Variants in TLR7 observed in about 807,000 individuals in gnomAD.
TLR7 encodes the protein toll like receptor 7.
In TLR7, 12 loss-of-function variants were observed where a neutral mutation model predicts 38.3. That is an observed-to-expected ratio of 0.31 (90% CI 0.20 to 0.51). The LOEUF (loss-of-function observed/expected upper bound fraction) is 0.51, where lower values mean the gene tolerates loss of function less well. TLR7 is among the 20% of genes least tolerant of loss of function. The probability of loss-of-function intolerance (pLI) is 0.98; values close to 1 mark genes in which losing one functional copy is unlikely to be tolerated. For missense variants in TLR7, 504 were observed against 743.4 expected, an observed-to-expected ratio of 0.68 and a Z score of 3.74; for synonymous variants, 285 against 293.8, an observed-to-expected ratio of 0.97 and a Z score of 0.31.
chrX:12,881,228 A>AAATAAT (rs61216010), intron 2 of TLR7, among the ~76,000 whole-genome samples: 21,942 of 98,485 alleles, frequency 0.22, 2,275 homozygotes, highest in Middle Eastern at 0.27. Context: ...ACTCAGTCTC[A>AAATAAT]AATAATAATA....
chrX:12,886,491 A>G lies in TLR7; in HGVS notation c.983A>G (p.Lys328Arg). 1.7e-6 allele frequency: 2 copies of G among 1,211,899 alleles called. No homozygotes were observed. Among genetic ancestry groups the G allele is most frequent in the Non-Finnish European group, 2.2e-6 (2 of 895,541 alleles). Reference sequence around the variant, plus strand: ...GATCTGTCCCAAAACTTCTTGGCCAAAGAAATTGGGGATGCTAAATTTCTG... The same window carrying G: ...GATCTGTCCCAAAACTTCTTGGCCAGAGAAATTGGGGATGCTAAATTTCTG... ...ELDLSQNFLAKEIGDAKFLHF... is the reference protein window; with the variant it reads ...ELDLSQNFLAREIGDAKFLHF... Residue 328 changes from lysine (K) to arginine (R), a missense_variant, in exon 3 of 3, where the codon AAA becomes AGA. Physicochemically the swap from Lys to Arg is conservative, Grantham distance 26 (BLOSUM62 2). Coordinates refer to ENST00000380659, the MANE Select transcript of TLR7 (RefSeq NM_016562.4).
chrX:12,872,286 C>T (rs1427474661), intron 2 of TLR7, among the ~76,000 whole-genome samples: 1 of 111,723 alleles, frequency 9.0e-6, no homozygotes, highest in Non-Finnish European at 1.9e-5. Context: ...GTTGACTGGA[C>T]TCATTAGGCA....
At position 12,886,863 on chromosome X, in the gene TLR7, T is replaced by C. The variant is rs1345626413; in HGVS notation, c.1355T>C (p.Val452Ala). The change falls in exon 3 of 3, where the codon GTA becomes GCA. Residue 452 changes from valine to alanine, a missense_variant. Val to Ala is a moderately conservative substitution (Grantham distance 64). Transcript: ENST00000380659. Reference sequence around the variant, plus strand: ...TTCTGCTCAAATGCCAGAACTTCTGTAGAAAGTTATGAACCCCAGGTCCTG... The same window carrying C: ...TTCTGCTCAAATGCCAGAACTTCTGCAGAAAGTTATGAACCCCAGGTCCTG... ...VGFCSNARTS[V>A]ESYEPQVLEQ... The C allele has an allele frequency of 8.3e-7, 1 of 1,209,918 alleles. No individual in the cohort carries two copies. Among genetic ancestry groups the C allele is most frequent in the Admixed American group, 2.2e-5 (1 of 45,935 alleles).
At chrX:12,867,904 T>C (rs774855497) in intron 2 of TLR7, among the ~76,000 whole-genome samples, 1 of 112,781 alleles carries the variant, frequency 8.9e-6, no homozygotes, top group East Asian at 2.8e-4. Context: ...AACAAATCAC[T>C]GAATTACTGA....
intron 2 of TLR7, among the ~76,000 whole-genome samples, chrX:12,880,618 G>T (rs1178325318): frequency 9.0e-6 from 1 of 110,881 alleles, no homozygotes; most frequent in African/African-American, 3.3e-5. Context: ...CTACTCAAAG[G>T]AGAAATTTTT....
chrX:12,872,201 C>T lies in TLR7; in HGVS notation c.3+4620C>T, dbSNP rs180728657. 8.9e-5 allele frequency among the ~76,000 whole-genome samples: 10 copies of T among 111,966 alleles called. No homozygotes were observed. The East Asian group carries it at 2.0e-3, about 22-fold the overall frequency. On this transcript the variant is annotated intron_variant, in intron 2 of 2. Transcript: ENST00000380659. ...TTCCTGTTCCAGTTACCTATCACTGCGTAAGAGATCACCTCAAAATGCAAT... is the reference window on the plus strand; with the variant it reads ...TTCCTGTTCCAGTTACCTATCACTGTGTAAGAGATCACCTCAAAATGCAAT...
At position 12,887,253 on chromosome X, in the gene TLR7, C is replaced by T. The variant is rs200956250; in HGVS notation, c.1745C>T (p.Ser582Leu). Residue 582 changes from serine (S) to leucine (L), a missense_variant, in exon 3 of 3, where the codon TCA becomes TTA. Ser to Leu is a moderately radical substitution (Grantham distance 145). Transcript: ENST00000380659. Reference protein sequence around the residue: ...DISSNSHYFQSEGITHMLNFT... With the variant: ...DISSNSHYFQLEGITHMLNFT... ...AGCAGTAATAGCCATTATTTTCAAT[C>T]AGAAGGAATTACTCATATGCTAAAC... 5.2e-5 allele frequency: 63 copies of T among 1,208,420 alleles called. No individual in the cohort carries two copies. Among genetic ancestry groups the T allele is most frequent in the Non-Finnish European group, 6.7e-5 (60 of 894,303 alleles).
At chrX:12,873,015 G>A (rs2042858646) in intron 2 of TLR7, among the ~76,000 whole-genome samples, 1 of 110,558 alleles carries the variant, frequency 9.0e-6, no homozygotes, top group South Asian at 3.9e-4. Context: ...ACATGCTCAG[G>A]GACACTCCCT....
At chrX:12,883,979 A>AT (rs1418976341) in intron 2 of TLR7, among the ~76,000 whole-genome samples, 6 of 110,783 alleles carry the variant, frequency 5.4e-5, no homozygotes, top group East Asian at 2.8e-4. Flanking sequence ...GGGAAGTAGG[A>AT]TTTTTTTGTT....
intron 2 of TLR7, among the ~76,000 whole-genome samples, chrX:12,885,286 G>A (rs750535072): frequency 2.4e-4 from 27 of 112,323 alleles, no homozygotes; most frequent in Non-Finnish European, 4.7e-4. Flanking sequence ...AAGCTATTTT[G>A]CTAAAGAGCT....
chrX:12,880,174 C>A (rs5743763), intron 2 of TLR7, among the ~76,000 whole-genome samples: 6,843 of 111,523 alleles, frequency 0.061, 514 homozygotes, highest in African/African-American at 0.21. Flanking sequence ...TATCTGTCAA[C>A]TGAAAGAATG....
chrX:12,883,929 G>GA (rs765167284), intron 2 of TLR7, among the ~76,000 whole-genome samples: 2 of 110,946 alleles, frequency 1.8e-5, no homozygotes, highest in South Asian at 3.8e-4. Context: ...TTGCATTGGA[G>GA]AAAAAAAATT....
At position 12,888,660 on chromosome X, in the gene TLR7, C is replaced by A. The variant is rs149611837; in HGVS notation, c.*2C>A. The A allele has an allele frequency of 6.7e-4, 796 of 1,181,726 alleles. No homozygotes were observed. Among genetic ancestry groups the A allele is most frequent in the Non-Finnish European group, 8.8e-4 (774 of 881,892 alleles). On this transcript the variant is annotated 3_prime_UTR_variant, in exon 3 of 3. Transcript: ENST00000380659. The stretch of plus-strand genomic sequence containing the variant: ...CAGGTGTTCAAGGAAACGGTCTAGC[C>A]CTTCTTTGCAAAACACAACTGCCTA...
At chrX:12,870,617 A>G (rs2042849061) in intron 2 of TLR7, among the ~76,000 whole-genome samples, 1 of 111,711 alleles carries the variant, frequency 9.0e-6, no homozygotes. Flanking sequence ...ACTATGGCCC[A>G]TGGGCTATAT....
In TLR7 at chrX:12,888,448, T is replaced by A; in HGVS notation, c.2940T>A (p.Asp980Glu). Reference sequence around the variant, plus strand: ...ACTTGTCCCATCAGAGGCTCATGGATGAAAAAGTTGATGTGATTATCTTGA... The same window carrying A: ...ACTTGTCCCATCAGAGGCTCATGGAAGAAAAAGTTGATGTGATTATCTTGA... ...AFYLSHQRLM[D>E]EKVDVIILIF... Residue 980 changes from aspartate to glutamate, a missense_variant, in exon 3 of 3, where the codon GAT becomes GAA. Coordinates refer to ENST00000380659, the MANE Select transcript of TLR7 (RefSeq NM_016562.4). 1.7e-6 allele frequency: 2 copies of A among 1,211,366 alleles called. No individual in the cohort carries two copies. The highest frequency in any genetic ancestry group is 2.2e-6 in the Non-Finnish European group (2 of 895,229).
intron 2 of TLR7, chrX:12,877,429 A>G (rs2042876500): frequency 9.2e-6 from 1 of 108,981 alleles, no homozygotes; most frequent in African/African-American, 3.4e-5. Context: ...TCAGAGCCCA[A>G]CTTTCTCATT....
chrX:12,872,033 G>C (rs1460423387), intron 2 of TLR7, among the ~76,000 whole-genome samples: 1 of 110,957 alleles, frequency 9.0e-6, no homozygotes, highest in African/African-American at 3.3e-5. Context: ...GGGTGTAGTG[G>C]GTGGGAGAAT....
chrX:12,884,987 G>C (rs1251766228), intron 2 of TLR7, among the ~76,000 whole-genome samples: 1 of 112,742 alleles, frequency 8.9e-6, no homozygotes, highest in East Asian at 2.8e-4. Context: ...GGGTAACCTT[G>C]GGCTAATCAG....
intron 2 of TLR7, among the ~76,000 whole-genome samples, chrX:12,873,223 C>T (rs1343461482): frequency 8.9e-6 from 1 of 112,112 alleles, no homozygotes; most frequent in Non-Finnish European, 1.9e-5. Context: ...GTTTAGATAT[C>T]AACTTCTTAA....
Sources: allele counts gnomAD v4.1 joint callset (sites outside exome capture counted in the v4.1 genomes callset), GRCh38; gene constraint gnomAD v4.1.1; transcripts MANE v1.5; gene names NCBI Gene and HGNC (gene_info 2026-07-23, HGNC 2026-07-21).